Variants in FBXL5 observed in about 807,000 individuals in gnomAD.
The protein encoded by FBXL5 is F-box and leucine rich repeat protein 5, also known as F-box/LRR-repeat protein 5.
Under a neutral mutation model 78.3 loss-of-function variants are expected in FBXL5, and 26 were observed. The observed-to-expected ratio is 0.33, with a 90% CI of 0.24 to 0.46. The LOEUF (loss-of-function observed/expected upper bound fraction) is 0.46. FBXL5 is among the 20% of genes least tolerant of loss of function. The pLI is 1.00. For missense variants in FBXL5, 710 were observed against 829.2 expected, an observed-to-expected ratio of 0.86 and a Z score of 1.77; for synonymous variants, 295 against 282.5, an observed-to-expected ratio of 1.04 and a Z score of -0.45.
Position 15,672,342 on chromosome 4 carries a change from C to T in FBXL5, c.-284+9041G>A, listed in dbSNP as rs114145514. On this transcript the variant is annotated intron_variant, in intron 1 of 4. Transcript: ENST00000507899. ...ATTACAGTCATGTGTTGCTTAATGA[C>T]AGAGATATGTTCTGAGGAATGCACC... Among the ~76,000 whole-genome samples, 394 of 152,314 alleles carry T rather than the reference C, an allele frequency of 2.6e-3. 3 individuals carry two copies. The highest frequency in any genetic ancestry group is 9.0e-3 in the African/African-American group (375 of 41,570).
At chr4:15,663,425 G>A (rs1717403643), upstream of FBXL5, among the ~76,000 whole-genome samples, 1 of 152,186 alleles carries the variant, frequency 6.6e-6, no homozygotes, top group East Asian at 1.9e-4. Flanking sequence ...TTGACCTGTT[G>A]TAGTGGTTCA....
rs180958822 is a variant in FBXL5, at chr4:15,618,813, G to C, written c.1851-6399C>G. ...AGCCAAGATTGTGCCATTGCACTCTGGACGACAGAGCAAGACTCCGTCTCT... is the reference window on the plus strand; with the variant it reads ...AGCCAAGATTGTGCCATTGCACTCTCGACGACAGAGCAAGACTCCGTCTCT... On this transcript the variant is annotated intron_variant, in intron 9 of 10. Coordinates refer to ENST00000341285, the MANE Select transcript of FBXL5 (RefSeq NM_012161.4). Among the ~76,000 whole-genome samples the C allele has an allele frequency of 4.6e-5, 7 of 152,212 alleles. No homozygotes were observed. In the East Asian group the frequency reaches 1.4e-3, roughly 29 times the overall value.
chr4:15,678,735 A>C (rs1718086132), intron 1 of FBXL5, among the ~76,000 whole-genome samples: 1 of 152,220 alleles, frequency 6.6e-6, no homozygotes, highest in Non-Finnish European at 1.5e-5. Flanking sequence ...TTTAATTATA[A>C]GCTTATTATT....
intron 8 of FBXL5, among the ~76,000 whole-genome samples, chr4:15,626,227 A>G (rs927565713): frequency 6.6e-6 from 1 of 152,210 alleles, no homozygotes; most frequent in Non-Finnish European, 1.5e-5. Context: ...TAAGGATTGG[A>G]AGACTTAAGT....
At chr4:15,622,713 T>C (rs1181706438) in intron 9 of FBXL5, among the ~76,000 whole-genome samples, 1 of 152,156 alleles carries the variant, frequency 6.6e-6, no homozygotes, top group African/African-American at 2.4e-5. Context: ...TAGTAGGTGC[T>C]CAATGAAAAT....
At chr4:15,627,841 T>C in intron 7 of FBXL5, 44 bp downstream of exon 7, 2 of 1,575,248 alleles carry the variant, frequency 1.3e-6, no homozygotes, top group South Asian at 2.3e-5. Context: ...ACTCTTATCA[T>C]GCTGTTTTTC....
At chr4:15,664,550 CTTTTTTTTTTTTTT>C (rs35319145), upstream of FBXL5, among the ~76,000 whole-genome samples, 1 of 75,522 alleles carries the variant, frequency 1.3e-5, no homozygotes, top group Non-Finnish European at 2.3e-5. Context: ...GGCCCTCATC[CTTTTTTTTTTTTTT>C]TTTTTTTTTT....
At chr4:15,647,057 T>C (rs1715432663) in intron 1 of FBXL5, among the ~76,000 whole-genome samples, 1 of 151,106 alleles carries the variant, frequency 6.6e-6, no homozygotes, top group Admixed American at 6.6e-5. Flanking sequence ...ACCCCATCTC[T>C]ACTAAAAACA....
In FBXL5 at chr4:15,620,984, T is replaced by C. The variant is rs954998004; in HGVS notation, c.1850+4268A>G. ...GAAACAATGCTAATGACTGGCTTGC[T>C]GTTAATAAATACTTTGGTAAATGTC... is the stretch of plus-strand genomic sequence containing the variant. On this transcript the variant is annotated intron_variant, in intron 9 of 10. Coordinates refer to ENST00000341285, the MANE Select transcript of FBXL5 (RefSeq NM_012161.4). 3.9e-5 allele frequency among the ~76,000 whole-genome samples: 6 copies of C among 152,220 alleles called. No homozygotes were observed. In the South Asian group the frequency reaches 6.2e-4, roughly 16 times the overall value.
chr4:15,613,081 A>C (rs1047281397), intron 9 of FBXL5, among the ~76,000 whole-genome samples: 2 of 152,206 alleles, frequency 1.3e-5, no homozygotes, highest in Non-Finnish European at 2.9e-5. Flanking sequence ...TAATTTTAAA[A>C]AGCCAGATAC....
In FBXL5 at chr4:15,625,458, G is replaced by C. The variant is rs113018419; in HGVS notation, c.1644C>G (p.His548Gln). The change falls in exon 9 of 11, where the codon CAC (histidine) becomes CAG (glutamine). Residue 548 changes from histidine to glutamine, a missense_variant. Physicochemically the swap from His to Gln is conservative, Grantham distance 24 (BLOSUM62 0). Coordinates refer to ENST00000341285, the MANE Select transcript of FBXL5 (RefSeq NM_012161.4). The part of the protein sequence containing the change: ...CASPAFAYCG[H>Q]SFCCTGTALR... ...AAGCTGTTCCTGTACAACAAAATGA[G>C]TGACCACAATACGCAAAGGCTGGAG... 71 of 1,613,850 alleles carry C rather than the reference G, an allele frequency of 4.4e-5. No individual in the cohort carries two copies. The highest frequency in any genetic ancestry group is 5.8e-5 in the Non-Finnish European group (69 of 1,179,968).
intron 1 of FBXL5, among the ~76,000 whole-genome samples, chr4:15,645,868 T>C (rs1023256430): frequency 6.6e-6 from 1 of 152,212 alleles, no homozygotes; most frequent in Non-Finnish European, 1.5e-5. Flanking sequence ...AATTCATACA[T>C]TTTTTACTCT....
intron 5 of FBXL5, among the ~76,000 whole-genome samples, chr4:15,631,037 G>C (rs1713590616): frequency 6.6e-6 from 1 of 152,068 alleles, no homozygotes; most frequent in South Asian, 2.1e-4. Flanking sequence ...ATTTACATCA[G>C]GTATTTCTCC....
rs768124492 is a variant in FBXL5, at chr4:15,626,926, G to C, written c.1071C>G (p.Asn357Lys). The stretch of plus-strand genomic sequence containing the variant: ...TCTGGGTAAGATCCAGATGCTCCAG[G>C]TTAGGACAAAGCTCTAAAATCTGCC... ...MVRQILELCP[N>K]LEHLDLTQTD... The change falls in exon 8 of 11, where the codon AAC (asparagine) becomes AAG (lysine). Residue 357 changes from asparagine (N) to lysine (K), a missense_variant. This residue lies in a region of FBXL5 where 517 missense variants were observed against 542.9 expected (regional missense o/e 0.95). Coordinates refer to ENST00000341285, the MANE Select transcript of FBXL5 (RefSeq NM_012161.4). The C allele has an allele frequency of 5.6e-6, 9 of 1,611,846 alleles. No individual in the cohort carries two copies. Among genetic ancestry groups the C allele is most frequent in the Non-Finnish European group, 7.6e-6 (9 of 1,178,924 alleles).
chr4:15,630,171 A>C (rs1382454073), intron 6 of FBXL5, among the ~76,000 whole-genome samples: 1 of 152,210 alleles, frequency 6.6e-6, no homozygotes, highest in Non-Finnish European at 1.5e-5. Flanking sequence ...TGGCTACATT[A>C]GTTTTTGTAA....
intron 9 of FBXL5, among the ~76,000 whole-genome samples, chr4:15,615,006 G>C (rs1257470107): frequency 6.6e-6 from 1 of 152,150 alleles, no homozygotes; most frequent in African/African-American, 2.4e-5. Flanking sequence ...CCCGCACTCA[G>C]AGCAGCCGGC....
intron 5 of FBXL5, among the ~76,000 whole-genome samples, chr4:15,632,578 CTTTTA>C (rs1182710083): frequency 4.6e-5 from 7 of 152,136 alleles, no homozygotes; most frequent in Non-Finnish European, 1.0e-4. Flanking sequence ...TTTGTGTCCT[CTTTTA>C]TTTTGTTGAG....
intron 1 of FBXL5, among the ~76,000 whole-genome samples, chr4:15,649,578 C>CAAAAAAAAAAAAAAA (rs34238482): frequency 4.9e-5 from 4 of 81,350 alleles, no homozygotes; most frequent in Non-Finnish European, 9.8e-5. Flanking sequence ...GACTACGTCT[C>CAAAAAAAAAAAAAAA]AAAAAAAAAA....
chr4:15,636,816 T>G, intron 4 of FBXL5, 140 bp from the exon 5 acceptor site: 1 of 606,564 alleles, frequency 1.6e-6, no homozygotes, highest in Non-Finnish European at 2.8e-6. Flanking sequence ...TGAAATAACA[T>G]GTATTAGAGG....
Sources: allele counts gnomAD v4.1 joint callset (sites outside exome capture counted in the v4.1 genomes callset), GRCh38; gene constraint gnomAD v4.1.1; regional missense constraint gnomAD v4.1.1; transcripts MANE v1.5; gene names NCBI Gene and HGNC (gene_info 2026-07-23, HGNC 2026-07-21).